UST: variants seen among roughly 807,000 people sequenced by gnomAD.
UST encodes chondroitin sulfate 2-O-sulfotransferase.
A neutral mutation model predicts 45.6 loss-of-function variants in UST; 21 were observed. That is an observed-to-expected ratio of 0.46 (90% CI 0.33 to 0.66). The LOEUF (loss-of-function observed/expected upper bound fraction) is 0.66. UST is among the 30% of genes least tolerant of loss of function. The probability of loss-of-function intolerance (pLI) is 0.02; values close to 1 mark genes in which losing one functional copy is unlikely to be tolerated. For synonymous variants in UST, 215 were observed against 200.6 expected (o/e 1.07, Z -0.61); for missense variants, 463 against 512.4 (o/e 0.90, Z 0.93).
chr6:148,894,827 T>TC (rs1779090062), intron 2 of UST, among the ~76,000 whole-genome samples: 2 of 70,662 alleles, frequency 2.8e-5, no homozygotes, highest in South Asian at 4.0e-4. Context: ...TTTTTTTTTT[T>TC]TTTTTTTTTG....
intron 7 of UST, among the ~76,000 whole-genome samples, chr6:149,029,929 G>T (rs1355981114): frequency 1.3e-5 from 2 of 149,094 alleles, no homozygotes; most frequent in Non-Finnish European, 3.0e-5. Flanking sequence ...ACCTACCCAT[G>T]TTCAAACAAC....
Position 148,779,029 on chromosome 6 carries a change from C to T in UST, c.247+31352C>T, listed in dbSNP as rs535094185. On this transcript the variant is annotated intron_variant, in intron 1 of 7. Transcript: ENST00000367463. ...TCCTGGGCTGCAGCCATAGCTGTGGCTGTCCTTACCCGCTGTGGATGCCGC... is the reference window on the plus strand; with the variant it reads ...TCCTGGGCTGCAGCCATAGCTGTGGTTGTCCTTACCCGCTGTGGATGCCGC... Among the ~76,000 whole-genome samples, 31 of 152,294 alleles carry T rather than the reference C, an allele frequency of 2.0e-4. No homozygotes were observed. The South Asian group carries it at 2.9e-3, about 14-fold the overall frequency.
chr6:149,038,538 T>A (rs1776267592), intron 7 of UST, among the ~76,000 whole-genome samples: 1 of 152,050 alleles, frequency 6.6e-6, no homozygotes, highest in Admixed American at 6.6e-5. Flanking sequence ...ACACAACTCT[T>A]CCAACCCATC....
intron 5 of UST, 55 bp from the exon 6 acceptor site, chr6:149,019,084 T>A: frequency 7.6e-7 from 1 of 1,314,452 alleles, no homozygotes; most frequent in South Asian, 1.2e-5. Flanking sequence ...GTGTGGCATT[T>A]GATAGAGCCT....
intron 1 of UST, among the ~76,000 whole-genome samples, chr6:148,775,626 A>T (rs1044375257): frequency 2.6e-4 from 37 of 145,012 alleles, no homozygotes; most frequent in African/African-American, 8.0e-4. Flanking sequence ...TTTTAATTAA[A>T]TTTTTTTTTT....
At chr6:149,026,332 G>A (rs1776050963) in intron 7 of UST, among the ~76,000 whole-genome samples, 1 of 151,956 alleles carries the variant, frequency 6.6e-6, no homozygotes, top group South Asian at 2.1e-4. Context: ...TAAAATAAAA[G>A]TAAAAATGAG....
In UST at chr6:148,822,628, G is replaced by A. The variant is rs368652198; in HGVS notation, c.248-64358G>A. 2.4e-4 allele frequency among the ~76,000 whole-genome samples: 37 copies of A among 152,322 alleles called. 1 individual carries two copies. In the East Asian group the frequency reaches 3.1e-3, roughly 13 times the overall value. On this transcript the variant is annotated intron_variant, in intron 1 of 7. Coordinates refer to ENST00000367463, the MANE Select transcript of UST (RefSeq NM_005715.3). ...GTTTTTGACTTCTACAGCCTCAGTA[G>A]CCATGAGGTATGAAATATCTCTGTC...
chr6:148,749,242 T>G (rs1449114276), intron 1 of UST, among the ~76,000 whole-genome samples: 2 of 152,202 alleles, frequency 1.3e-5, no homozygotes, highest in African/African-American at 2.4e-5. Flanking sequence ...TGGAGTCTCA[T>G]AGCTTCCTCC....
rs147437161 is a variant in UST at position 149,019,584 on chromosome 6, G to A, written c.779+348G>A. 7.2e-5 allele frequency among the ~76,000 whole-genome samples: 11 copies of A among 152,240 alleles called. No individual in the cohort carries two copies. The East Asian group carries it at 7.7e-4, about 11-fold the overall frequency. On this transcript the variant is annotated intron_variant, in intron 6 of 7. Coordinates refer to ENST00000367463, the MANE Select transcript of UST (RefSeq NM_005715.3). Reference sequence around the variant, plus strand: ...ACAAAATGTCACATAAAATGTGATCGTGAAGACCAGGAGCGAACACCCAGC... The same window carrying A: ...ACAAAATGTCACATAAAATGTGATCATGAAGACCAGGAGCGAACACCCAGC...
intron 5 of UST, among the ~76,000 whole-genome samples, chr6:148,981,325 C>G (rs774991187): frequency 1.3e-5 from 2 of 152,180 alleles, no homozygotes; most frequent in Non-Finnish European, 2.9e-5. Flanking sequence ...GTGAAGCCGC[C>G]TCCATTAAGT....
intron 1 of UST, among the ~76,000 whole-genome samples, chr6:148,774,826 C>T (rs1346318288): frequency 2.0e-5 from 3 of 152,208 alleles, no homozygotes; most frequent in Non-Finnish European, 4.4e-5. Flanking sequence ...CGAAACCAGC[C>T]TGACCAACAT....
At chr6:148,755,563 G>T (rs1776078256) in intron 1 of UST, among the ~76,000 whole-genome samples, 1 of 151,798 alleles carries the variant, frequency 6.6e-6, no homozygotes, top group Non-Finnish European at 1.5e-5. Flanking sequence ...GAGGAACCCT[G>T]TGGGAGGTAA....
At position 148,952,659 on chromosome 6, in the gene UST, C is replaced by T. The variant is rs77446146; in HGVS notation, c.448-1213C>T. ...GGCTTTCTGTCATGTTTGAGACAAA[C>T]CTGGAGTTCCAGACTCTTATTTTAT... On this transcript the variant is annotated intron_variant, in intron 3 of 7. Coordinates refer to ENST00000367463, the MANE Select transcript of UST (RefSeq NM_005715.3). Among the ~76,000 whole-genome samples, 522 of 152,308 alleles carry T rather than the reference C, an allele frequency of 3.4e-3. 2 individuals carry two copies. The highest frequency in any genetic ancestry group is 6.3e-3 in the Non-Finnish European group (428 of 68,032).
intron 4 of UST, chr6:148,956,157 T>C (rs1780495266): frequency 6.6e-6 from 1 of 152,180 alleles, no homozygotes; most frequent in African/African-American, 2.4e-5. Flanking sequence ...TTTCCATCTG[T>C]AAAACAAGGA....
intron 1 of UST, among the ~76,000 whole-genome samples, chr6:148,871,145 T>TCTCTCTCTCTCTCTCTCTCTCTCTCC (rs1032229926): frequency 3.7e-5 from 5 of 135,108 alleles, no homozygotes; most frequent in African/African-American, 1.4e-4. Context: ...TCTCTCTCTC[T>TCTCTCTCTCTCTCTCTCTCTCTCTCC]CCCTCTCTCC....
At chr6:148,897,159 CTTTTAAAATTT>C (rs1008413371) in intron 2 of UST, among the ~76,000 whole-genome samples, 9 of 152,052 alleles carry the variant, frequency 5.9e-5, no homozygotes, top group South Asian at 2.1e-4. Flanking sequence ...TTTTATTTTA[CTTTTAAAATTT>C]TTTTAAAATT....
intron 1 of UST, among the ~76,000 whole-genome samples, chr6:148,764,739 T>C (rs1468397147): frequency 6.6e-6 from 1 of 152,154 alleles, no homozygotes; most frequent in Non-Finnish European, 1.5e-5. Flanking sequence ...AGAGATCACA[T>C]GCTTCAAGGG....
intron 1 of UST, among the ~76,000 whole-genome samples, chr6:148,831,765 A>T (rs1777691782): frequency 6.6e-6 from 1 of 152,164 alleles, no homozygotes. Flanking sequence ...ACTGCATTCC[A>T]GCCTGCACAG....
chr6:148,801,727 T>C (rs9498163), intron 1 of UST, among the ~76,000 whole-genome samples: 21,748 of 152,084 alleles, frequency 0.14, 1,732 homozygotes, highest in Non-Finnish European at 0.17. Flanking sequence ...GCAGTCACTC[T>C]CCCCTTTCTT....
Sources: gnomAD v4.1 joint callset for allele counts (sites outside exome capture counted in the v4.1 genomes callset) on GRCh38, gnomAD v4.1.1 for gene constraint, MANE v1.5 for transcripts, NCBI Gene and HGNC (gene_info 2026-07-23, HGNC 2026-07-21) for gene names.